The following SLC4A4 variants were observed in gnomAD, a reference collection of about 807,000 sequenced individuals.
SLC4A4 encodes electrogenic sodium bicarbonate cotransporter 1.
SLC4A4 carries 27 observed loss-of-function variants against 111.5 expected under a neutral mutation model. The ratio of observed to expected loss-of-function variants is 0.24; its 90% CI spans 0.18 to 0.33. The LOEUF is 0.33. Among genes scored for constraint, SLC4A4 ranks in the 10% least tolerant of loss-of-function variants. SLC4A4 has a pLI of 1.00. For missense variants in SLC4A4, 909 were observed against 1,315.5 expected, an observed-to-expected ratio of 0.69 and a Z score of 4.78; for synonymous variants, 443 against 463.4, an observed-to-expected ratio of 0.96 and a Z score of 0.57.
chr4:71,455,867 C>A (rs1024632335), intron 12 of SLC4A4, among the ~76,000 whole-genome samples: 5 of 152,082 alleles, frequency 3.3e-5, no homozygotes, highest in African/African-American at 1.2e-4. Context: ...GATGGATGAA[C>A]TTCTTTATGA....
chr4:71,531,806 G>C (rs1157490096), intron 16 of SLC4A4, among the ~76,000 whole-genome samples: 10 of 142,094 alleles, frequency 7.0e-5, no homozygotes, highest in African/African-American at 2.5e-4. Context: ...CACACACACA[G>C]AAAGAGAGAG....
rs991565133 is a variant in SLC4A4, at chr4:71,146,408, A to G, written c.-2+53616A>G. 3.3e-5 allele frequency among the ~76,000 whole-genome samples: 5 copies of G among 152,146 alleles called. 1 individual carries two copies. Among genetic ancestry groups the G allele is most frequent in the South Asian group, 2.1e-4 (1 of 4,828 alleles). On this transcript the variant is annotated intron_variant, in intron 2 of 26. Transcript: ENST00000649996. ...TGGAATAGGTGTGGTGTGGTGCTGAAAAGAATGTATATTCTGTTGATTTGG... is the reference window on the plus strand; with the variant it reads ...TGGAATAGGTGTGGTGTGGTGCTGAGAAGAATGTATATTCTGTTGATTTGG...
rs562650996 is a variant in SLC4A4 at position 71,079,879 on chromosome 4, G to A, written c.-64-12851G>A. ...TGTCTGGAGACAGACTCCCCTGTGAGTGCGGTTTAAGTGTATGCTGAAAGC... is the reference window on the plus strand; with the variant it reads ...TGTCTGGAGACAGACTCCCCTGTGAATGCGGTTTAAGTGTATGCTGAAAGC... On this transcript the variant is annotated intron_variant, in intron 1 of 26. Coordinates refer to the SLC4A4 transcript ENST00000649996. Among the ~76,000 whole-genome samples, 7 of 152,240 alleles carry A rather than the reference G, an allele frequency of 4.6e-5. No homozygotes were observed. In the East Asian group the frequency reaches 1.4e-3, roughly 29 times the overall value.
At chr4:71,304,398 T>C (rs980426511) in intron 3 of SLC4A4, among the ~76,000 whole-genome samples, 3 of 152,114 alleles carry the variant, frequency 2.0e-5, no homozygotes, top group Admixed American at 6.5e-5. Flanking sequence ...CAGGAGAAGA[T>C]GAATGCCCCA....
Position 71,178,439 on chromosome 4 carries a change from C to G in SLC4A4, c.-1-58137C>G, listed in dbSNP as rs552719650. Among the ~76,000 whole-genome samples the G allele has an allele frequency of 3.7e-3, 564 of 151,948 alleles. 2 individuals carry two copies. The highest frequency in any genetic ancestry group is 0.012 in the African/African-American group (511 of 41,418). Reference sequence around the variant, plus strand: ...GGAGCTGGTTTTTTGAAAAGATCAACAAAATTGATAGACCGCTAGCAAGAC... The same window carrying G: ...GGAGCTGGTTTTTTGAAAAGATCAAGAAAATTGATAGACCGCTAGCAAGAC... On this transcript the variant is annotated intron_variant, in intron 2 of 26. Coordinates refer to the SLC4A4 transcript ENST00000649996.
chr4:71,551,472 T>G (rs1421308876), intron 20 of SLC4A4, among the ~76,000 whole-genome samples: 1 of 151,830 alleles, frequency 6.6e-6, no homozygotes, highest in Non-Finnish European at 1.5e-5. Context: ...GATTAAGGGC[T>G]CAACACAGAT....
At chr4:71,538,782 G>A (rs756355628) in intron 18 of SLC4A4, among the ~76,000 whole-genome samples, 12 of 152,058 alleles carry the variant, frequency 7.9e-5, no homozygotes, top group Non-Finnish European at 1.5e-4. Context: ...ATTGATGTAG[G>A]AACGCCAAGA....
intron 3 of SLC4A4, among the ~76,000 whole-genome samples, chr4:71,330,501 C>T (rs945270391): frequency 1.4e-4 from 22 of 152,032 alleles, no homozygotes; most frequent in Non-Finnish European, 3.2e-4. Context: ...CCCTATTTAA[C>T]AAATGGTGCT....
At chr4:71,146,475 A>G (rs1246314604) in intron 2 of SLC4A4, among the ~76,000 whole-genome samples, 1 of 152,172 alleles carries the variant, frequency 6.6e-6, no homozygotes, top group Non-Finnish European at 1.5e-5. Flanking sequence ...CGCTTGGTGC[A>G]GAGCTGAGTT....
intron 20 of SLC4A4, among the ~76,000 whole-genome samples, chr4:71,547,986 A>T (rs1456178532): frequency 6.6e-6 from 1 of 151,884 alleles, no homozygotes; most frequent in Non-Finnish European, 1.5e-5. Context: ...TGATCTGTGA[A>T]AATAGTAGTT....
At chr4:71,169,773 G>T (rs1181238010) in intron 2 of SLC4A4, among the ~76,000 whole-genome samples, 1 of 152,182 alleles carries the variant, frequency 6.6e-6, no homozygotes, top group Non-Finnish European at 1.5e-5. Flanking sequence ...GGGCCTTCTT[G>T]CCAGTTCAGT....
intron 2 of SLC4A4, among the ~76,000 whole-genome samples, chr4:71,153,879 A>G (rs892318582): frequency 5.9e-5 from 9 of 152,172 alleles, no homozygotes; most frequent in African/African-American, 1.7e-4. Context: ...GTGGGCTGGA[A>G]GCACATAATC....
chr4:71,406,947 G>A (rs1720908456), intron 7 of SLC4A4, among the ~76,000 whole-genome samples: 1 of 152,104 alleles, frequency 6.6e-6, no homozygotes, highest in African/African-American at 2.4e-5. Context: ...CTAATGCTTT[G>A]GGGTTGGTAC....
chr4:71,371,979 A>T (rs1731933330), intron 6 of SLC4A4, among the ~76,000 whole-genome samples: 1 of 152,216 alleles, frequency 6.6e-6, no homozygotes. Flanking sequence ...TGTAAAAACT[A>T]TTTCACCATA....
chr4:71,269,900 T>C (rs1303042244), intron 3 of SLC4A4, among the ~76,000 whole-genome samples: 1 of 152,214 alleles, frequency 6.6e-6, no homozygotes, highest in Non-Finnish European at 1.5e-5. Context: ...TAAGTCTCCA[T>C]TCTCGTGATC....
At chr4:71,465,831 A>C (rs1727260011) in intron 12 of SLC4A4, among the ~76,000 whole-genome samples, 2 of 152,102 alleles carry the variant, frequency 1.3e-5, no homozygotes, top group South Asian at 4.1e-4. Flanking sequence ...GAAATAGTTA[A>C]TTGAAGCTCT....
At chr4:71,309,883 T>A (rs1294120682) in intron 3 of SLC4A4, among the ~76,000 whole-genome samples, 3 of 152,030 alleles carry the variant, frequency 2.0e-5, no homozygotes, top group Non-Finnish European at 4.4e-5. Flanking sequence ...AATAAACCCC[T>A]CTGAGCTAAA....
At chr4:71,500,469 A>G (rs1252440265) in intron 16 of SLC4A4, among the ~76,000 whole-genome samples, 3 of 152,206 alleles carry the variant, frequency 2.0e-5, no homozygotes, top group South Asian at 2.1e-4. Context: ...TTAAGTCTTT[A>G]ATCCCTGGCT....
rs1160826004 is a variant in SLC4A4 at position 71,109,550 on chromosome 4, C to CT, written c.-2+16769dup. ...TTTATTTTTATTTTTATTTTTCTAC[C>CT]TTTTTTTTTTTGAGAGGAGTCTTGC... On this transcript the variant is annotated intron_variant, in intron 2 of 26. Transcript: ENST00000649996. Among the ~76,000 whole-genome samples, 209 of 145,640 alleles carry CT rather than the reference C, an allele frequency of 1.4e-3. 2 individuals are homozygous for CT. Among genetic ancestry groups the CT allele is most frequent in the African/African-American group, 4.3e-3 (171 of 40,042 alleles).
Sources: gnomAD v4.1 joint callset for allele counts (sites outside exome capture counted in the v4.1 genomes callset) on GRCh38, gnomAD v4.1.1 for gene constraint, MANE v1.5 for transcripts, NCBI Gene and HGNC (gene_info 2026-07-23, HGNC 2026-07-21) for gene names.